The following ADAMTS17 variants were observed in gnomAD, a reference collection of about 807,000 sequenced individuals.
ADAMTS17 encodes A disintegrin and metalloproteinase with thrombospondin motifs 17.
ADAMTS17 carries 113 observed loss-of-function variants against 141.5 expected under a neutral mutation model. The observed-to-expected ratio is 0.80, with a 90% CI of 0.69 to 0.93. The LOEUF (loss-of-function observed/expected upper bound fraction) is 0.93. Ranked by LOEUF, ADAMTS17 falls within the 40% of genes least tolerant of loss-of-function variation. The pLI, the probability that ADAMTS17 is intolerant of heterozygous loss-of-function variation, is 0.00. For missense variants in ADAMTS17, 1,659 were observed against 1,517.9 expected, an observed-to-expected ratio of 1.09 and a Z score of -1.54; for synonymous variants, 768 against 630.6, an observed-to-expected ratio of 1.22 and a Z score of -3.27.
chr15:100,095,668 G>A (rs2035712533), intron 15 of ADAMTS17, among the ~76,000 whole-genome samples: 1 of 152,186 alleles, frequency 6.6e-6, no homozygotes, highest in African/African-American at 2.4e-5. Context: ...CCCCTCACTA[G>A]GTGTCAACTA....
At chr15:100,265,481 T>G (rs1407304237) in intron 4 of ADAMTS17, among the ~76,000 whole-genome samples, 1 of 152,190 alleles carries the variant, frequency 6.6e-6, no homozygotes, top group Non-Finnish European at 1.5e-5. Flanking sequence ...TGGCTGCGTT[T>G]GTCACATTTC....
At chr15:100,018,777 C>T (rs905382656) in intron 18 of ADAMTS17, among the ~76,000 whole-genome samples, 3 of 152,178 alleles carry the variant, frequency 2.0e-5, no homozygotes, top group Non-Finnish European at 2.9e-5. Flanking sequence ...CACCACAGAG[C>T]AGGGGAATTT....
At chr15:99,995,399 C>T (rs1355692196) in intron 19 of ADAMTS17, among the ~76,000 whole-genome samples, 1 of 152,214 alleles carries the variant, frequency 6.6e-6, no homozygotes, top group African/African-American at 2.4e-5. Context: ...CAAACTCTGA[C>T]CAGCAACCCA....
chr15:100,297,102 TAGG>T (rs980671271), intron 3 of ADAMTS17, among the ~76,000 whole-genome samples: 19 of 151,814 alleles, frequency 1.3e-4, no homozygotes, highest in African/African-American at 4.4e-4. Context: ...GAAAGATAAG[TAGG>T]AGTTAACAGA....
At chr15:100,219,116 T>C (rs190456799) in intron 7 of ADAMTS17, among the ~76,000 whole-genome samples, 19 of 152,338 alleles carry the variant, frequency 1.2e-4, no homozygotes, top group Admixed American at 9.8e-4. Context: ...TATTGTATGA[T>C]TCTGTTTAGA....
chr15:100,266,199 C>T (rs1009394518), intron 4 of ADAMTS17, among the ~76,000 whole-genome samples: 3 of 152,242 alleles, frequency 2.0e-5, no homozygotes, highest in Non-Finnish European at 4.4e-5. Context: ...CCCACGGTTT[C>T]TGGTATCAGC....
At chr15:100,218,751 T>C (rs530958288) in intron 7 of ADAMTS17, among the ~76,000 whole-genome samples, 14 of 152,280 alleles carry the variant, frequency 9.2e-5, no homozygotes, top group African/African-American at 3.1e-4. Context: ...ACTGAAAACG[T>C]GTCCCCATAA....
At chr15:100,081,151 G>A (rs1046371590) in intron 15 of ADAMTS17, among the ~76,000 whole-genome samples, 3 of 152,132 alleles carry the variant, frequency 2.0e-5, no homozygotes, top group Admixed American at 6.5e-5. Flanking sequence ...TACAAAGCAG[G>A]CAGAAAAACA....
At chr15:100,284,287 A>C (rs569286856) in intron 3 of ADAMTS17, among the ~76,000 whole-genome samples, 2 of 152,372 alleles carry the variant, frequency 1.3e-5, no homozygotes, top group East Asian at 3.9e-4. Flanking sequence ...AGTAACAGGT[A>C]AACGGGCAGG....
chr15:100,109,184 C>A lies in ADAMTS17; in HGVS notation c.1889-68G>T, dbSNP rs866501845. 1.9e-6 allele frequency: 3 copies of A among 1,553,440 alleles called. No individual in the cohort carries two copies. In the Admixed American group the frequency reaches 5.9e-5, roughly 30 times the overall value. On this transcript the variant is annotated intron_variant, in intron 13 of 21. Coordinates refer to ENST00000268070, the MANE Select transcript of ADAMTS17 (RefSeq NM_139057.4). ...GCGTGGGCCATGCAGGGCACAGGTACATGTGGGCAGAGGGAAACCCTGAGG... is the reference window on the plus strand; with the variant it reads ...GCGTGGGCCATGCAGGGCACAGGTAAATGTGGGCAGAGGGAAACCCTGAGG...
rs538143676 is a variant in ADAMTS17, at chr15:100,261,875, C to T, written c.874-239G>A. ...TATGCTGTTTTTAAAAAAGCATCTT[C>T]TTTTCTGCAAACAGAACAGTATCCC... is the stretch of plus-strand genomic sequence containing the variant. On this transcript the variant is annotated intron_variant, in intron 5 of 21. Coordinates refer to ENST00000268070, the MANE Select transcript of ADAMTS17 (RefSeq NM_139057.4). 1.3e-3 allele frequency among the ~76,000 whole-genome samples: 204 copies of T among 152,300 alleles called. No homozygotes were observed. In the Middle Eastern group the frequency reaches 0.017, roughly 13 times the overall value.
chr15:100,169,002 C>T (rs906414194), intron 8 of ADAMTS17, among the ~76,000 whole-genome samples: 2 of 151,704 alleles, frequency 1.3e-5, no homozygotes, highest in Admixed American at 6.5e-5. Context: ...TGGTGGCCAG[C>T]GCGGTGGTGG....
chr15:100,233,213 C>A (rs1489198632), intron 7 of ADAMTS17, among the ~76,000 whole-genome samples: 1 of 152,018 alleles, frequency 6.6e-6, no homozygotes, highest in Non-Finnish European at 1.5e-5. Flanking sequence ...GCCTGTAACC[C>A]CAGGTACTCA....
chr15:100,288,603 C>T (rs972248637), intron 3 of ADAMTS17, among the ~76,000 whole-genome samples: 1 of 152,174 alleles, frequency 6.6e-6, no homozygotes. Flanking sequence ...CTAAAATCTA[C>T]CACACAATCA....
Position 100,285,632 on chromosome 15 carries a change from T to C in ADAMTS17, c.617-4231A>G, listed in dbSNP as rs968524125. ...AGACCTGGGGAAGAGTTGAGTTGAATAGGCAAGGAGTAGCCTGCTCCTGCC... is the reference window on the plus strand; with the variant it reads ...AGACCTGGGGAAGAGTTGAGTTGAACAGGCAAGGAGTAGCCTGCTCCTGCC... On this transcript the variant is annotated intron_variant, in intron 3 of 21. Coordinates refer to ENST00000268070, the MANE Select transcript of ADAMTS17 (RefSeq NM_139057.4). 5.9e-5 allele frequency among the ~76,000 whole-genome samples: 9 copies of C among 152,312 alleles called. No homozygotes were observed. In the South Asian group the frequency reaches 1.2e-3, roughly 21 times the overall value.
chr15:100,261,133 A>AG (rs796265695), intron 6 of ADAMTS17, among the ~76,000 whole-genome samples: 8 of 152,344 alleles, frequency 5.3e-5, no homozygotes, highest in African/African-American at 1.9e-4. Context: ...CACTGCAGGT[A>AG]GAATCAAGGT....
chr15:100,283,221 C>A (rs1024884966), intron 3 of ADAMTS17, among the ~76,000 whole-genome samples: 4 of 152,170 alleles, frequency 2.6e-5, no homozygotes, highest in Non-Finnish European at 5.9e-5. Flanking sequence ...CAGAGCCAGG[C>A]CCATCTCCCC....
At chr15:100,143,920 G>A (rs1044320825) in intron 10 of ADAMTS17, among the ~76,000 whole-genome samples, 8 of 152,194 alleles carry the variant, frequency 5.3e-5, no homozygotes, top group Admixed American at 2.0e-4. Flanking sequence ...GCGAGTGGCA[G>A]AAGAACATAC....
intron 7 of ADAMTS17, among the ~76,000 whole-genome samples, chr15:100,232,745 G>A (rs1291318088): frequency 1.3e-5 from 2 of 152,152 alleles, no homozygotes; most frequent in African/African-American, 2.4e-5. Flanking sequence ...TGGCCCATGC[G>A]GGACACCCTG....
Sources: gnomAD v4.1 joint callset for allele counts (sites outside exome capture counted in the v4.1 genomes callset) on GRCh38, gnomAD v4.1.1 for gene constraint, MANE v1.5 for transcripts, NCBI Gene and HGNC (gene_info 2026-07-23, HGNC 2026-07-21) for gene names.